LGR4: variants seen among roughly 807,000 people sequenced by gnomAD.
LGR4 encodes the protein leucine rich repeat containing G protein-coupled receptor 4, also known as leucine-rich repeat-containing G protein-coupled receptor 4.
In LGR4, 44 loss-of-function variants were observed where a neutral mutation model predicts 84.8. That is an observed-to-expected ratio of 0.52 (90% CI 0.41 to 0.67). LGR4 has a LOEUF of 0.67. Among genes scored for constraint, LGR4 ranks in the 30% least tolerant of loss-of-function variants. LGR4 has a pLI of 0.00. For synonymous variants in LGR4, 429 were observed against 434.3 expected, an observed-to-expected ratio of 0.99 and a Z score of 0.15; for missense variants, 1,032 against 1,131.4, an observed-to-expected ratio of 0.91 and a Z score of 1.26.
chr11:27,447,346 C>T (rs1157051838), intron 1 of LGR4, among the ~76,000 whole-genome samples: 11 of 152,050 alleles, frequency 7.2e-5, no homozygotes, highest in Non-Finnish European at 1.5e-4. Context: ...GTGGTGTAAG[C>T]GTCCTCTGGA....
chr11:27,379,927 A>G (rs1413847387), intron 10 of LGR4, among the ~76,000 whole-genome samples: 1 of 152,128 alleles, frequency 6.6e-6, no homozygotes, highest in African/African-American at 2.4e-5. Flanking sequence ...GCTCTGGGAA[A>G]CCTGACAGTA....
At chr11:27,384,240 A>G in intron 6 of LGR4, 96 bp downstream of exon 6, 1 of 765,088 alleles carries the variant, frequency 1.3e-6, no homozygotes, top group African/African-American at 1.7e-5. Context: ...TAAGGAGCTG[A>G]ACTTAAGGCC....
chr11:27,442,234 G>A (rs938432115), intron 1 of LGR4, among the ~76,000 whole-genome samples: 1 of 152,154 alleles, frequency 6.6e-6, no homozygotes, highest in Non-Finnish European at 1.5e-5. Flanking sequence ...AACCAGAGAA[G>A]AAGAGACTAG....
At chr11:27,438,862 C>T (rs1864254016) in intron 1 of LGR4, among the ~76,000 whole-genome samples, 1 of 152,150 alleles carries the variant, frequency 6.6e-6, no homozygotes, top group African/African-American at 2.4e-5. Flanking sequence ...CCCAGGCCTT[C>T]AGTCGTGGAC....
At chr11:27,463,786 C>CA (rs1023741402) in intron 1 of LGR4, among the ~76,000 whole-genome samples, 8 of 151,730 alleles carry the variant, frequency 5.3e-5, no homozygotes, top group Admixed American at 2.6e-4. Context: ...AACTCCATCT[C>CA]AAAAAAACAA....
intron 1 of LGR4, among the ~76,000 whole-genome samples, chr11:27,421,306 G>A (rs1418163260): frequency 2.0e-5 from 3 of 152,096 alleles, no homozygotes; most frequent in African/African-American, 7.2e-5. Context: ...GAAACCCTTA[G>A]ATTCATGCTT....
At position 27,434,949 on chromosome 11, in the gene LGR4, C is replaced by A. The variant is rs1467052555; in HGVS notation, c.186-22089G>T. 2.6e-5 allele frequency among the ~76,000 whole-genome samples: 4 copies of A among 152,066 alleles called. No individual in the cohort carries two copies. The East Asian group carries it at 7.7e-4, about 29-fold the overall frequency. On this transcript the variant is annotated intron_variant, in intron 1 of 17. Coordinates refer to ENST00000379214, the MANE Select transcript of LGR4 (RefSeq NM_018490.5). ...GAGTCACTTAAAAATCATGACAATA[C>A]CCCTAGTTTTCATATTTCACCATGC...
chr11:27,463,714 A>G (rs1404748350), intron 1 of LGR4, among the ~76,000 whole-genome samples: 1 of 152,158 alleles, frequency 6.6e-6, no homozygotes, highest in Non-Finnish European at 1.5e-5. Flanking sequence ...TGAACCCAGG[A>G]GGCGGAGGTT....
intron 1 of LGR4, among the ~76,000 whole-genome samples, chr11:27,417,507 C>T (rs1254300088): frequency 6.6e-6 from 1 of 152,152 alleles, no homozygotes; most frequent in African/African-American, 2.4e-5. Context: ...GAAGGTCTCT[C>T]TCAACCACAA....
intron 17 of LGR4, among the ~76,000 whole-genome samples, chr11:27,370,269 C>CT (rs1009454067): frequency 6.6e-6 from 1 of 152,170 alleles, no homozygotes; most frequent in African/African-American, 2.4e-5. Flanking sequence ...ACAAGAAACT[C>CT]TTATTTTAAA....
chr11:27,377,087 T>C, intron 12 of LGR4, 71 bp downstream of exon 12: 1 of 852,220 alleles, frequency 1.2e-6, no homozygotes, highest in Non-Finnish European at 1.9e-6. Context: ...AAGCCATCTA[T>C]TAAAAATACG....
At chr11:27,421,705 A>C (rs1346129869) in intron 1 of LGR4, among the ~76,000 whole-genome samples, 2 of 152,252 alleles carry the variant, frequency 1.3e-5, no homozygotes, top group Admixed American at 6.5e-5. Context: ...AAAACTAGTT[A>C]GACTAATTCA....
At chr11:27,449,792 A>G (rs1213260769) in intron 1 of LGR4, among the ~76,000 whole-genome samples, 3 of 152,244 alleles carry the variant, frequency 2.0e-5, no homozygotes, top group Non-Finnish European at 4.4e-5. Flanking sequence ...TAAACTCTTT[A>G]AAAACACTCC....
intron 17 of LGR4, among the ~76,000 whole-genome samples, chr11:27,371,244 AATGAG>A (rs1862877439): frequency 6.6e-6 from 1 of 152,228 alleles, no homozygotes; most frequent in Non-Finnish European, 1.5e-5. Context: ...CAATGAAGTA[AATGAG>A]GGGAAATAAG....
chr11:27,367,774 A>T lies in LGR4; in HGVS notation c.*93T>A. On this transcript the variant is annotated 3_prime_UTR_variant, in exon 18 of 18. Transcript: ENST00000379214. ...TTCTAAGTGACACCAGGCAGTGATT[A>T]CAGAAGTGCTTCCCAGATGAAAGAT... 1 of 906,844 alleles carries T rather than the reference A, an allele frequency of 1.1e-6. No individual in the cohort carries two copies. The highest frequency in any genetic ancestry group is 1.7e-6 in the Non-Finnish European group (1 of 594,630). 56.2% of individuals were successfully genotyped at this position (906,844 alleles called of 1,614,324 possible). A position where few individuals can be genotyped will look rare whatever the true frequency, so the allele number is the denominator to read the frequency against.
At chr11:27,391,818 C>T (rs777880656) in intron 3 of LGR4, among the ~76,000 whole-genome samples, 4 of 152,114 alleles carry the variant, frequency 2.6e-5, no homozygotes, top group Admixed American at 1.3e-4. Context: ...GACTGCCTGA[C>T]GTGAGTCATA....
At chr11:27,395,172 C>T (rs1366946308) in intron 2 of LGR4, among the ~76,000 whole-genome samples, 2 of 152,062 alleles carry the variant, frequency 1.3e-5, no homozygotes, top group Admixed American at 6.6e-5. Context: ...TTCCCCAGGG[C>T]CTCAGATAGC....
intron 2 of LGR4, among the ~76,000 whole-genome samples, chr11:27,396,269 G>A (rs1431994287): frequency 6.6e-6 from 1 of 152,196 alleles, no homozygotes; most frequent in Non-Finnish European, 1.5e-5. Flanking sequence ...GTGGACTTGA[G>A]CAAGTTAACA....
chr11:27,445,211 C>T (rs190896059), intron 1 of LGR4, among the ~76,000 whole-genome samples: 3 of 152,236 alleles, frequency 2.0e-5, no homozygotes, highest in Admixed American at 6.5e-5. Context: ...TTGATTCGTG[C>T]ATGTCTGTCT....
Sources: gnomAD v4.1 joint callset for allele counts (sites outside exome capture counted in the v4.1 genomes callset) on GRCh38, gnomAD v4.1.1 for gene constraint, MANE v1.5 for transcripts, NCBI Gene and HGNC (gene_info 2026-07-23, HGNC 2026-07-21) for gene names.